MGAT4B: variants seen among roughly 807,000 people sequenced by gnomAD.
MGAT4B encodes alpha-1,3-mannosyl-glycoprotein 4-beta-N-acetylglucosaminyltransferase B.
A neutral mutation model predicts 73.9 loss-of-function variants in MGAT4B; 38 were observed. The ratio of observed to expected loss-of-function variants is 0.51; its 90% CI spans 0.40 to 0.67. The LOEUF is 0.67. Among genes scored for constraint, MGAT4B ranks in the 30% least tolerant of loss-of-function variants. The pLI is 0.00. For synonymous variants in MGAT4B, 373 were observed against 313.5 expected (o/e 1.19, Z -2.01); for missense variants, 686 against 735.2 (o/e 0.93, Z 0.77).
chr5:179,804,291 T>C (rs1757054751), intron 1 of MGAT4B, among the ~76,000 whole-genome samples: 1 of 152,194 alleles, frequency 6.6e-6, no homozygotes, highest in African/African-American at 2.4e-5. Flanking sequence ...TCACCATGCA[T>C]GTGTGTGGCA....
At chr5:179,805,971 A>C (rs562266225) in intron 1 of MGAT4B, among the ~76,000 whole-genome samples, 1 of 124,630 alleles carries the variant, frequency 8.0e-6, no homozygotes, top group East Asian at 2.4e-4. Context: ...GGGCTGCCTC[A>C]GGACGCCTCC....
Position 179,797,734 on chromosome 5 carries a change from G to A in MGAT4B, c.*311C>T, listed in dbSNP as rs1006123407. The A allele has an allele frequency of 1.7e-5, 6 of 357,040 alleles. No homozygotes were observed. Among genetic ancestry groups the A allele is most frequent in the South Asian group, 4.8e-5 (1 of 20,620 alleles). The allele number at this position is 357,040 out of a possible 1,614,324, so 22.1% of individuals were successfully genotyped here. A position where few individuals can be genotyped will look rare whatever the true frequency, so the allele number is the denominator to read the frequency against. On this transcript the variant is annotated 3_prime_UTR_variant, in exon 15 of 15. Coordinates refer to ENST00000292591, the MANE Select transcript of MGAT4B (RefSeq NM_014275.5). ...AAGTAGTATATGCATTCCAGTGTTCGCGCCAGAGACGGCGGGCGCCCAAGT... is the reference window on the plus strand; with the variant it reads ...AAGTAGTATATGCATTCCAGTGTTCACGCCAGAGACGGCGGGCGCCCAAGT...
chr5:179,806,504 G>A lies in MGAT4B; in HGVS notation c.80C>T (p.Ala27Val). Residue 27 changes from alanine (A) to valine (V), a missense_variant, in exon 1 of 15, where the codon GCA (alanine) becomes GTA (valine). Ala to Val is a moderately conservative substitution (Grantham distance 64, BLOSUM62 0). This residue lies in a region of MGAT4B where 237 missense variants were observed against 198.5 expected (regional missense o/e 1.19). Coordinates refer to ENST00000292591, the MANE Select transcript of MGAT4B (RefSeq NM_014275.5). The surrounding 1 kb of genome is among the most constrained non-coding windows in gnomAD (Gnocchi z 4.6). ...GCGCTCACCTTTCTGGCCGCTGAGT[G>A]CCGCGTACCAGGACAGCGAGAGGAA... ...CAFLSLSWYA[A>V]LSGQKGDVVD... The A allele has an allele frequency of 7.6e-7, 1 of 1,322,748 alleles. No homozygotes were observed. The highest frequency in any genetic ancestry group is 9.9e-7 in the Non-Finnish European group (1 of 1,010,788). The allele number at this position is 1,322,748 out of a possible 1,614,324, so 81.9% of individuals were successfully genotyped here.
In MGAT4B at chr5:179,806,140, C is replaced by T; in HGVS notation, c.97+347G>A. ...GCCCTCGCGCCTGTGTCCCTCACGC[C>T]GCCCCAGCTCCTGCCCAGGTGGCTG... On this transcript the variant is annotated intron_variant, in intron 1 of 14. Transcript: ENST00000292591. The surrounding 1 kb of genome is among the most constrained non-coding windows in gnomAD (Gnocchi z 4.6). The T allele has an allele frequency of 6.5e-6, 1 of 153,492 alleles. No homozygotes were observed. Among genetic ancestry groups the T allele is most frequent in the Non-Finnish European group, 1.5e-5 (1 of 68,850 alleles). The allele number at this position is 153,492 out of a possible 1,614,324, so 9.5% of individuals were successfully genotyped here.
In MGAT4B at chr5:179,800,612, G is replaced by T; in HGVS notation, c.606-15C>A. 6.5e-7 allele frequency: 1 copy of T among 1,550,274 alleles called. No homozygotes were observed. Among genetic ancestry groups the T allele is most frequent in the Non-Finnish European group, 8.9e-7 (1 of 1,128,522 alleles). ...CCGTGGGGAACCTGGGGGACGGGAA[G>T]GCCTAGTCCGTATGCAGCCTCCAGG... On this transcript the variant is annotated splice_polypyrimidine_tract_variant and intron_variant, in intron 5 of 14. Transcript: ENST00000292591.
chr5:179,805,187 G>C (rs1466278530), intron 1 of MGAT4B: 1 of 152,342 alleles, frequency 6.6e-6, no homozygotes, highest in African/African-American at 2.4e-5. Context: ...GCTGCTGCGG[G>C]AGGCACACAC....
chr5:179,804,167 T>C (rs184978568), intron 1 of MGAT4B, among the ~76,000 whole-genome samples: 2 of 152,208 alleles, frequency 1.3e-5, no homozygotes, highest in East Asian at 3.9e-4. Context: ...TCCCTCTTGG[T>C]TGGGGAAAGA....
At chr5:179,800,640 C>G in intron 5 of MGAT4B, 43 bp from the exon 6 acceptor site, 3 of 1,402,166 alleles carry the variant, frequency 2.1e-6, no homozygotes, top group Non-Finnish European at 3.0e-6. Context: ...CCTCCAGGGG[C>G]TGAGAGGGGC....
rs368641127 is a variant in MGAT4B, at chr5:179,799,754, G to A, written c.911-118C>T. On this transcript the variant is annotated intron_variant, in intron 8 of 14. Transcript: ENST00000292591. ...GGCTTCAGGCAGGTGTGGGCATAACGGGGCAGGGAGGCAGACAGGTGATGA... is the reference window on the plus strand; with the variant it reads ...GGCTTCAGGCAGGTGTGGGCATAACAGGGCAGGGAGGCAGACAGGTGATGA... 1.9e-5 allele frequency: 28 copies of A among 1,469,660 alleles called. 1 individual carries two copies. Among genetic ancestry groups the A allele is most frequent in the South Asian group, 4.9e-5 (4 of 81,866 alleles). The allele number at this position is 1,469,660 out of a possible 1,614,324, so 91.0% of individuals were successfully genotyped here.
intron 1 of MGAT4B, chr5:179,802,373 C>T (rs1259522135): frequency 1.0e-5 from 13 of 1,276,664 alleles, no homozygotes; most frequent in Non-Finnish European, 4.9e-6. Flanking sequence ...AGCGGGTGGG[C>T]TACCCAAGGT....
chr5:179,800,361 T>C, intron 6 of MGAT4B, 102 bp from the exon 7 acceptor site: 1 of 1,472,302 alleles, frequency 6.8e-7, no homozygotes. Context: ...CCCACCCCCA[T>C]GCACGGGTCC....
intron 5 of MGAT4B, 125 bp downstream of exon 5, chr5:179,800,782 C>G (rs534876181): frequency 4.3e-6 from 5 of 1,167,248 alleles, no homozygotes; most frequent in East Asian, 2.5e-5. Context: ...ACCCCTCCCC[C>G]ACCAGGTCCC....
In MGAT4B at chr5:179,799,161, G is replaced by C. The variant is rs202150332; in HGVS notation, c.1150-40C>G. 78 of 1,613,938 alleles carry C rather than the reference G, an allele frequency of 4.8e-5. No homozygotes were observed. In the African/African-American group the frequency reaches 9.7e-4, roughly 20 times the overall value. On this transcript the variant is annotated intron_variant, in intron 10 of 14. Transcript: ENST00000292591. ...GGACAGCAGTGATGGCGTGGGCCCCGACCTTGATCCCGGCCTAGGGAGAGC... is the reference window on the plus strand; with the variant it reads ...GGACAGCAGTGATGGCGTGGGCCCCCACCTTGATCCCGGCCTAGGGAGAGC...
At chr5:179,802,577 G>A (rs1054821470) in intron 1 of MGAT4B, 2 of 993,354 alleles carry the variant, frequency 2.0e-6, no homozygotes, top group Admixed American at 5.5e-5. Flanking sequence ...AGCAGCGAGG[G>A]GACTAGCTCT....
chr5:179,798,516 G>C lies in MGAT4B; in HGVS notation c.1419C>G (p.Phe473Leu). ...LFNTSVEVLP[F>L]DNPQSDKEAL... is the part of the protein sequence containing the mutation. ...ACACCACACCCACCGAACTTACGTCGAAGGGCAGCACCTCCACAGACGTGT... is the reference window on the plus strand; with the variant it reads ...ACACCACACCCACCGAACTTACGTCCAAGGGCAGCACCTCCACAGACGTGT... The change falls in exon 12 of 15, where the codon TTC becomes TTG. Residue 473 changes from phenylalanine to leucine, a missense_variant. Phe to Leu is a conservative substitution (Grantham distance 22). Coordinates refer to ENST00000292591, the MANE Select transcript of MGAT4B (RefSeq NM_014275.5). The C allele has an allele frequency of 6.2e-7, 1 of 1,613,518 alleles. No homozygotes were observed. Among genetic ancestry groups the C allele is most frequent in the Non-Finnish European group, 8.5e-7 (1 of 1,180,016 alleles).
At position 179,797,739 on chromosome 5, in the gene MGAT4B, A is replaced by G. The variant is rs1444284848; in HGVS notation, c.*306T>C. Reference sequence around the variant, plus strand: ...GTATATGCATTCCAGTGTTCGCGCCAGAGACGGCGGGCGCCCAAGTAAAAG... The same window carrying G: ...GTATATGCATTCCAGTGTTCGCGCCGGAGACGGCGGGCGCCCAAGTAAAAG... On this transcript the variant is annotated 3_prime_UTR_variant, in exon 15 of 15. Transcript: ENST00000292591. The G allele has an allele frequency of 5.3e-6, 2 of 374,530 alleles. No individual in the cohort carries two copies. The highest frequency in any genetic ancestry group is 9.6e-6 in the Non-Finnish European group (2 of 208,000). 23.2% of individuals were successfully genotyped at this position (374,530 alleles called of 1,614,324 possible). A position where few individuals can be genotyped will look rare whatever the true frequency, so the allele number is the denominator to read the frequency against.
chr5:179,801,215 C>G lies in MGAT4B; in HGVS notation c.558+119G>C, dbSNP rs572770331. The G allele has an allele frequency of 1.1e-4, 159 of 1,390,400 alleles. No individual in the cohort carries two copies. In the African/African-American group the frequency reaches 2.2e-3, roughly 19 times the overall value. The allele number at this position is 1,390,400 out of a possible 1,614,324, so 86.1% of individuals were successfully genotyped here. A position where few individuals can be genotyped will look rare whatever the true frequency, so the allele number is the denominator to read the frequency against. The stretch of plus-strand genomic sequence containing the variant: ...TCAACTTTCTATCTCGGAGCATTTG[C>G]GAATGAAACTAGCAACTGAACTTCC... On this transcript the variant is annotated intron_variant, in intron 4 of 14. Transcript: ENST00000292591. This position sits in a 1 kb window ranked among gnomAD's most constrained non-coding sequence, Gnocchi z 4.8.
chr5:179,805,978 C>CTCCT (rs1757135099), intron 1 of MGAT4B, among the ~76,000 whole-genome samples: 1 of 10,116 alleles, frequency 9.9e-5, no homozygotes, highest in African/African-American at 3.1e-4. Flanking sequence ...CTCAGGACGC[C>CTCCT]TCCCTCCCTC....
intron 1 of MGAT4B, chr5:179,802,412 A>G (rs182972101): frequency 1.7e-6 from 2 of 1,151,454 alleles, no homozygotes; most frequent in East Asian, 4.6e-5. Context: ...CTGTCCTTGT[A>G]GCGGTCGCTG....
Sources: allele counts gnomAD v4.1 joint callset (sites outside exome capture counted in the v4.1 genomes callset), GRCh38; gene constraint gnomAD v4.1.1; regional missense constraint gnomAD v4.1.1; non-coding constraint Gnocchi (gnomAD v3.1); transcripts MANE v1.5; gene names NCBI Gene and HGNC (gene_info 2026-07-23, HGNC 2026-07-21).